The following IMMP2L variants were observed in gnomAD, a reference collection of about 807,000 sequenced individuals.
The protein encoded by IMMP2L is mitochondrial inner membrane protease subunit 2.
Under a neutral mutation model 19.3 loss-of-function variants are expected in IMMP2L, and 18 were observed. The observed-to-expected ratio is 0.93, with a 90% confidence interval of 0.64 to 1.38. The LOEUF (loss-of-function observed/expected upper bound fraction) is 1.38. Among genes scored for constraint, IMMP2L ranks in the 40% most tolerant of loss-of-function variants. IMMP2L has a pLI of 0.00. For synonymous variants in IMMP2L, 76 were observed against 73.0 expected (o/e 1.04, Z -0.21); for missense variants, 233 against 218.2 (o/e 1.07, Z -0.43).
At chr7:110,740,240 A>C (rs1785821867) in intron 5 of IMMP2L, among the ~76,000 whole-genome samples, 1 of 152,182 alleles carries the variant, frequency 6.6e-6, no homozygotes, top group South Asian at 2.1e-4. Flanking sequence ...AAATTGAAAC[A>C]AACAAAAAAC....
At chr7:111,022,167 G>A (rs1826350975) in intron 3 of IMMP2L, among the ~76,000 whole-genome samples, 1 of 152,158 alleles carries the variant, frequency 6.6e-6, no homozygotes. Context: ...ATCCTAGTCT[G>A]AAGCCAGAGC....
intron 3 of IMMP2L, among the ~76,000 whole-genome samples, chr7:111,141,448 T>G (rs1802878705): frequency 6.6e-6 from 1 of 152,012 alleles, no homozygotes; most frequent in African/African-American, 2.4e-5. Context: ...TTCTTTTTTT[T>G]TTGTATAATT....
At chr7:111,262,504 C>T (rs1043699851) in intron 3 of IMMP2L, among the ~76,000 whole-genome samples, 1 of 152,214 alleles carries the variant, frequency 6.6e-6, no homozygotes, top group South Asian at 2.1e-4. Context: ...GAAGAGAAGG[C>T]AGTTGACTAT....
At chr7:111,370,043 A>G (rs1032669136) in intron 3 of IMMP2L, among the ~76,000 whole-genome samples, 4 of 152,060 alleles carry the variant, frequency 2.6e-5, no homozygotes, top group African/African-American at 9.7e-5. Context: ...AAAAGGTGAC[A>G]TATTAAAATT....
intron 5 of IMMP2L, among the ~76,000 whole-genome samples, chr7:110,753,184 T>C (rs1797834273): frequency 6.6e-6 from 1 of 152,082 alleles, no homozygotes; most frequent in South Asian, 2.1e-4. Flanking sequence ...AAATCAACAA[T>C]TAGTTTTAAA....
intron 3 of IMMP2L, among the ~76,000 whole-genome samples, chr7:111,329,729 C>T (rs563968618): frequency 8.6e-5 from 13 of 151,708 alleles, no homozygotes; most frequent in South Asian, 2.1e-4. Flanking sequence ...GAGAACATTT[C>T]GAATTACATA....
intron 3 of IMMP2L, among the ~76,000 whole-genome samples, chr7:111,290,414 T>C (rs1396728935): frequency 6.6e-6 from 1 of 152,146 alleles, no homozygotes; most frequent in African/African-American, 2.4e-5. Flanking sequence ...ATTCTGATCA[T>C]ATTTGTATAT....
chr7:110,932,314 C>T (rs1815582240), intron 4 of IMMP2L, among the ~76,000 whole-genome samples: 1 of 152,152 alleles, frequency 6.6e-6, no homozygotes, highest in Non-Finnish European at 1.5e-5. Context: ...ATCGCTGCTT[C>T]AGAATCTACT....
intron 5 of IMMP2L, among the ~76,000 whole-genome samples, chr7:110,674,230 C>G (rs764316624): frequency 4.1e-4 from 62 of 152,110 alleles, no homozygotes; most frequent in Admixed American, 1.3e-4. Context: ...TATAAAACCA[C>G]CAGATCCCAT....
At chr7:111,432,481 C>A (rs770968934) in intron 3 of IMMP2L, among the ~76,000 whole-genome samples, 1 of 151,676 alleles carries the variant, frequency 6.6e-6, no homozygotes, top group Non-Finnish European at 1.5e-5. Flanking sequence ...ATCATCTCAA[C>A]AGATGCAGAA....
chr7:110,966,279 G>C (rs1819538372), intron 3 of IMMP2L, among the ~76,000 whole-genome samples: 1 of 151,992 alleles, frequency 6.6e-6, no homozygotes, highest in African/African-American at 2.4e-5. Flanking sequence ...AAAAGGAAAA[G>C]TTCTGTGTGG....
At chr7:110,694,254 G>T (rs1299077286) in intron 5 of IMMP2L, among the ~76,000 whole-genome samples, 6 of 152,096 alleles carry the variant, frequency 3.9e-5, no homozygotes, top group Non-Finnish European at 8.8e-5. Flanking sequence ...AGAATTTATT[G>T]TTCTGGGTGA....
rs751727545 is a variant in IMMP2L, at chr7:111,152,148, T to C, written c.240-188583A>G. Among the ~76,000 whole-genome samples the C allele has an allele frequency of 5.3e-5, 8 of 152,260 alleles. No homozygotes were observed. The East Asian group carries it at 5.8e-4, about 11-fold the overall frequency. On this transcript the variant is annotated intron_variant, in intron 3 of 5. Transcript: ENST00000405709. ...CGGTGAGGTTATTGAAGCTGGAAGATGCATACATGGTATTTTACTAGACTC... is the reference window on the plus strand; with the variant it reads ...CGGTGAGGTTATTGAAGCTGGAAGACGCATACATGGTATTTTACTAGACTC...
intron 3 of IMMP2L, among the ~76,000 whole-genome samples, chr7:111,330,764 G>A (rs1009073017): frequency 6.6e-6 from 1 of 151,730 alleles, no homozygotes; most frequent in Non-Finnish European, 1.5e-5. Context: ...AAATGGTCAA[G>A]ATATCTGAAT....
intron 3 of IMMP2L, among the ~76,000 whole-genome samples, chr7:111,440,685 C>A (rs1021373276): frequency 1.3e-5 from 2 of 151,856 alleles, no homozygotes; most frequent in Admixed American, 6.6e-5. Context: ...AAGTGAACAG[C>A]TACATTAGCC....
At chr7:111,430,037 C>G (rs978866472) in intron 3 of IMMP2L, among the ~76,000 whole-genome samples, 1 of 151,810 alleles carries the variant, frequency 6.6e-6, no homozygotes. Context: ...CTTTCAGTGG[C>G]TATTGCCACA....
In IMMP2L at chr7:111,505,000, C is replaced by T. The variant is rs963295832; in HGVS notation, c.135+16313G>A. ...ATCTAATTAAACTAAAGAGCTTCTG[C>T]ACAGCAAAAGAAACTACCATCAGAG... On this transcript the variant is annotated intron_variant, in intron 2 of 5. Coordinates refer to ENST00000405709, the MANE Select transcript of IMMP2L (RefSeq NM_032549.4). Among the ~76,000 whole-genome samples, 55 of 152,154 alleles carry T rather than the reference C, an allele frequency of 3.6e-4. 1 individual carries two copies. Among genetic ancestry groups the T allele is most frequent in the African/African-American group, 1.3e-3 (53 of 41,528 alleles).
chr7:111,328,743 A>G (rs1017704071), intron 3 of IMMP2L, among the ~76,000 whole-genome samples: 5 of 151,842 alleles, frequency 3.3e-5, no homozygotes, highest in Non-Finnish European at 5.9e-5. Flanking sequence ...GCTTGTCATT[A>G]AACAGCAGAG....
intron 3 of IMMP2L, among the ~76,000 whole-genome samples, chr7:111,402,250 C>T (rs1336228008): frequency 6.6e-6 from 1 of 151,486 alleles, no homozygotes; most frequent in African/African-American, 2.4e-5. Context: ...CAAGCAAAAG[C>T]CTTCTGTTCT....
Sources: allele counts gnomAD v4.1 joint callset (sites outside exome capture counted in the v4.1 genomes callset), GRCh38; gene constraint gnomAD v4.1.1; transcripts MANE v1.5; gene names NCBI Gene and HGNC (gene_info 2026-07-23, HGNC 2026-07-21).